Variants in POLR3B observed in about 807,000 individuals in gnomAD.
POLR3B encodes RNA polymerase III subunit B.
In POLR3B, 96 loss-of-function variants were observed where a neutral mutation model predicts 147.4. The observed-to-expected ratio is 0.65, with a 90% CI of 0.55 to 0.77. The LOEUF is 0.77. Ranked by LOEUF, POLR3B falls within the 30% of genes least tolerant of loss-of-function variation. The pLI is 0.00. For synonymous variants in POLR3B, 461 were observed against 485.9 expected (o/e 0.95, Z 0.67); for missense variants, 1,036 against 1,413.5 (o/e 0.73, Z 4.28).
At chr12:106,506,893 G>A (rs548821124) in intron 27 of POLR3B, among the ~76,000 whole-genome samples, 5 of 152,276 alleles carry the variant, frequency 3.3e-5, no homozygotes, top group African/African-American at 1.2e-4. Flanking sequence ...ATGTGTGCTG[G>A]GTTGAGTGGG....
At chr12:106,385,895 A>G (rs971452058) in intron 9 of POLR3B, among the ~76,000 whole-genome samples, 95 of 152,340 alleles carry the variant, frequency 6.2e-4, no homozygotes, top group Middle Eastern at 3.4e-3. Flanking sequence ...CAGTACCATG[A>G]TATCAGAGGG....
chr12:106,398,622 C>A (rs568041309), intron 10 of POLR3B, among the ~76,000 whole-genome samples: 5 of 152,178 alleles, frequency 3.3e-5, no homozygotes, highest in Non-Finnish European at 5.9e-5. Context: ...CCAGGTACTC[C>A]TCTGAGACAA....
intron 23 of POLR3B, among the ~76,000 whole-genome samples, chr12:106,486,840 G>A (rs114779049): frequency 0.021 from 3,204 of 152,262 alleles, 45 homozygotes; most frequent in South Asian, 0.046. Flanking sequence ...GTAAAATTCA[G>A]AATCTATCAG....
chr12:106,414,708 A>C (rs11611176), intron 12 of POLR3B, among the ~76,000 whole-genome samples: 38,504 of 152,010 alleles, frequency 0.25, 5,563 homozygotes, highest in African/African-American at 0.39. Flanking sequence ...AGAGAATCCA[A>C]CCCAGTATGC....
chr12:106,483,924 G>C (rs1358678150), intron 23 of POLR3B, among the ~76,000 whole-genome samples: 2 of 152,186 alleles, frequency 1.3e-5, no homozygotes, highest in Non-Finnish European at 2.9e-5. Context: ...GAGAGAGAAA[G>C]GTCTTGAACT....
intron 6 of POLR3B, among the ~76,000 whole-genome samples, chr12:106,373,066 T>C (rs925729435): frequency 3.9e-5 from 6 of 152,232 alleles, no homozygotes; most frequent in Non-Finnish European, 5.9e-5. Flanking sequence ...TATTCTCCAG[T>C]TGTTTTGTGC....
At chr12:106,500,209 T>TAAA (rs59109709) in intron 25 of POLR3B, 2 of 450,362 alleles carry the variant, frequency 4.4e-6, no homozygotes, top group South Asian at 3.1e-5. Flanking sequence ...TTGAGGCAGT[T>TAAA]AAAAAAAAAT....
intron 23 of POLR3B, among the ~76,000 whole-genome samples, chr12:106,477,731 G>A (rs1207262227): frequency 1.3e-5 from 2 of 151,996 alleles, no homozygotes; most frequent in South Asian, 2.1e-4. Flanking sequence ...CTCGCGCAGG[G>A]TACGCGCACC....
intron 26 of POLR3B, 22 bp downstream of exon 26, chr12:106,501,458 A>C: frequency 7.2e-7 from 1 of 1,382,960 alleles, no homozygotes; most frequent in South Asian, 1.2e-5. Flanking sequence ...GTACTTACAA[A>C]AAGAATTGAT....
intron 22 of POLR3B, among the ~76,000 whole-genome samples, chr12:106,462,674 T>TA (rs1300630344): frequency 1.8e-4 from 28 of 152,344 alleles, no homozygotes; most frequent in Non-Finnish European, 1.5e-5. Context: ...CCTGGCCTCA[T>TA]AGGCCCCTCT....
At chr12:106,392,359 C>T (rs994836984) in intron 9 of POLR3B, among the ~76,000 whole-genome samples, 4 of 152,066 alleles carry the variant, frequency 2.6e-5, no homozygotes, top group African/African-American at 7.2e-5. Flanking sequence ...GATGAGGTTT[C>T]GCCACGTTGG....
At chr12:106,443,038 A>G (rs1050137417) in intron 18 of POLR3B, among the ~76,000 whole-genome samples, 2 of 152,224 alleles carry the variant, frequency 1.3e-5, no homozygotes, top group African/African-American at 4.8e-5. Context: ...AATGCAAGCC[A>G]CCTATATAAC....
At chr12:106,495,818 G>C (rs755308420) in intron 23 of POLR3B, 1 of 641,994 alleles carries the variant, frequency 1.6e-6, no homozygotes, top group Non-Finnish European at 2.8e-6. Flanking sequence ...CAGCACCATT[G>C]TGTGCTATGC....
intron 16 of POLR3B, among the ~76,000 whole-genome samples, chr12:106,434,768 T>C (rs1378816678): frequency 1.3e-5 from 2 of 152,202 alleles, no homozygotes; most frequent in African/African-American, 4.8e-5. Context: ...AGTGACTGCA[T>C]GCTTTCTTTC....
intron 12 of POLR3B, among the ~76,000 whole-genome samples, chr12:106,411,174 G>A (rs1049553477): frequency 2.6e-5 from 4 of 151,178 alleles, no homozygotes; most frequent in Admixed American, 1.3e-4. Context: ...GTTTTGCTCT[G>A]GTTGCCCAGG....
Position 106,437,043 on chromosome 12 carries a change from T to C in POLR3B, c.1782-14T>C. 6.2e-7 allele frequency: 1 copy of C among 1,607,180 alleles called. No homozygotes were observed. Among genetic ancestry groups the C allele is most frequent in the East Asian group, 2.2e-5 (1 of 44,760 alleles). On this transcript the variant is annotated splice_polypyrimidine_tract_variant and intron_variant, in intron 16 of 27. Coordinates refer to ENST00000228347, the MANE Select transcript of POLR3B (RefSeq NM_018082.6). ...TGGAACTATTATTAATTTGGTTTGC[T>C]GTTTCCATTCTAGACCCTACATAAT... is the stretch of plus-strand genomic sequence containing the variant.
chr12:106,408,573 A>G (rs1219088357), intron 11 of POLR3B, among the ~76,000 whole-genome samples: 2 of 152,206 alleles, frequency 1.3e-5, no homozygotes, highest in African/African-American at 2.4e-5. Context: ...TTAGGCTCCA[A>G]GATGCCTAAG....
At chr12:106,425,048 T>C (rs1379325663) in intron 12 of POLR3B, among the ~76,000 whole-genome samples, 1 of 152,260 alleles carries the variant, frequency 6.6e-6, no homozygotes, top group African/African-American at 2.4e-5. Context: ...GAACATATTA[T>C]CTGCAAGTAA....
chr12:106,458,771 T>C (rs1358832037), intron 21 of POLR3B, among the ~76,000 whole-genome samples: 1 of 152,170 alleles, frequency 6.6e-6, no homozygotes, highest in Admixed American at 6.5e-5. Flanking sequence ...CTACAGGTAG[T>C]TGGTCTTTGA....
Sources: gnomAD v4.1 joint callset for allele counts (sites outside exome capture counted in the v4.1 genomes callset) on GRCh38, gnomAD v4.1.1 for gene constraint, MANE v1.5 for transcripts, NCBI Gene and HGNC (gene_info 2026-07-23, HGNC 2026-07-21) for gene names.